ZMYM2: variants seen among roughly 807,000 people sequenced by gnomAD.
The protein encoded by ZMYM2 is zinc finger MYM-type containing 2, also known as zinc finger MYM-type protein 2.
ZMYM2 carries 56 observed loss-of-function variants against 162.8 expected under a neutral mutation model. The observed-to-expected ratio is 0.34, with a 90% CI of 0.28 to 0.43. The LOEUF is 0.43. Among genes scored for constraint, ZMYM2 ranks in the 20% least tolerant of loss-of-function variants. The pLI is 1.00. For synonymous variants in ZMYM2, 510 were observed against 541.6 expected (o/e 0.94, Z 0.81); for missense variants, 1,275 against 1,621.8 (o/e 0.79, Z 3.67).
the ZMYM2 span, among the ~76,000 whole-genome samples, chr13:19,906,868 G>A: frequency 6.6e-6 from 1 of 152,034 alleles, no homozygotes; most frequent in Non-Finnish European, 1.5e-5. Context: ...CCTAACTCTA[G>A]TTTTTATCTG....
At chr13:20,050,288 AAC>A (rs1258049317) in intron 12 of ZMYM2, among the ~76,000 whole-genome samples, 1 of 151,984 alleles carries the variant, frequency 6.6e-6, no homozygotes, top group African/African-American at 2.4e-5. Context: ...CCTGTTTGTC[AAC>A]ACAGTCATTT....
At chr13:19,987,302 C>T (rs1007270087) in intron 2 of ZMYM2, among the ~76,000 whole-genome samples, 7 of 151,664 alleles carry the variant, frequency 4.6e-5, no homozygotes, top group Admixed American at 3.3e-4. Flanking sequence ...CTCTCACCGT[C>T]GCCCAGGCTG....
chr13:19,959,496 A>G (rs1184792069), intron 1 of ZMYM2, among the ~76,000 whole-genome samples: 5 of 151,020 alleles, frequency 3.3e-5, no homozygotes, highest in Non-Finnish European at 3.0e-5. Context: ...CGCCGACTGC[A>G]GGGGGGGGCA....
At position 20,088,358 on chromosome 13, in the gene ZMYM2, C is replaced by T; in HGVS notation, c.*2344C>T. 1 of 205,142 alleles carries T rather than the reference C, an allele frequency of 4.9e-6. No homozygotes were observed. Among genetic ancestry groups the T allele is most frequent in the Non-Finnish European group, 1.0e-5 (1 of 100,106 alleles). The allele number at this position is 205,142 out of a possible 1,614,324, so 12.7% of individuals were successfully genotyped here. The stretch of plus-strand genomic sequence containing the variant: ...AAGGACAATGAAATGATAGCAATTT[C>T]CTTTTGCTTCTAGGTGATCTCTGAT... On this transcript the variant is annotated 3_prime_UTR_variant, in exon 25 of 25. Transcript: ENST00000610343.
intron 10 of ZMYM2, among the ~76,000 whole-genome samples, chr13:20,032,609 T>C (rs1301367855): frequency 3.2e-5 from 4 of 123,934 alleles, no homozygotes; most frequent in Admixed American, 1.6e-4. Flanking sequence ...CTTTTTTTTT[T>C]TTTTTTTTTT....
chr13:19,997,384 C>A (rs965675658), intron 3 of ZMYM2, among the ~76,000 whole-genome samples: 1 of 152,040 alleles, frequency 6.6e-6, no homozygotes, highest in Non-Finnish European at 1.5e-5. Context: ...ACTCCCATGC[C>A]CCTAACGATT....
chr13:20,033,242 G>A (rs540591176), intron 10 of ZMYM2, among the ~76,000 whole-genome samples: 1 of 152,018 alleles, frequency 6.6e-6, no homozygotes, highest in East Asian at 1.9e-4. Context: ...ATCAAAATGA[G>A]GTCCTTTTCA....
At chr13:19,967,937 TC>T (rs1341903026) in intron 2 of ZMYM2, among the ~76,000 whole-genome samples, 28 of 152,214 alleles carry the variant, frequency 1.8e-4, no homozygotes, top group African/African-American at 6.8e-4. Context: ...TTCACCGACT[TC>T]CCTCTTCTGG....
chr13:19,876,527 T>C, the ZMYM2 span, among the ~76,000 whole-genome samples: 1 of 151,874 alleles, frequency 6.6e-6, no homozygotes, highest in East Asian at 1.9e-4. Context: ...TTCACCATTT[T>C]GGTCAGGCTG....
At chr13:19,984,705 A>T (rs563877723) in intron 2 of ZMYM2, among the ~76,000 whole-genome samples, 1 of 152,222 alleles carries the variant, frequency 6.6e-6, no homozygotes, top group Non-Finnish European at 1.5e-5. Context: ...TGGTTGAAAC[A>T]TTATTTCTAT....
At chr13:19,882,978 T>C in the ZMYM2 span, among the ~76,000 whole-genome samples, 2 of 152,098 alleles carry the variant, frequency 1.3e-5, no homozygotes, top group East Asian at 1.9e-4. Flanking sequence ...CTATTCACAG[T>C]AGACAAAAGA....
chr13:19,931,096 G>T, the ZMYM2 span, among the ~76,000 whole-genome samples: 1 of 146,364 alleles, frequency 6.8e-6, no homozygotes. Flanking sequence ...CCGAGATGGC[G>T]CCACAGCACT....
chr13:19,944,011 G>A, the ZMYM2 span, among the ~76,000 whole-genome samples: 16 of 152,094 alleles, frequency 1.1e-4, no homozygotes, highest in Non-Finnish European at 1.0e-4. Flanking sequence ...TAAAATATGC[G>A]GGGCTGTAGA....
intron 6 of ZMYM2, among the ~76,000 whole-genome samples, chr13:20,015,799 C>T (rs1164379883): frequency 6.6e-6 from 1 of 152,058 alleles, no homozygotes; most frequent in African/African-American, 2.4e-5. Flanking sequence ...GCAACCCCAA[C>T]TCTCTTAGTT....
At chr13:19,976,790 T>G (rs1259084425) in intron 2 of ZMYM2, among the ~76,000 whole-genome samples, 3 of 152,216 alleles carry the variant, frequency 2.0e-5, no homozygotes, top group Non-Finnish European at 4.4e-5. Flanking sequence ...GTCTGAGTAG[T>G]TTATAGTGTT....
chr13:19,996,460 C>G (rs1202889244), intron 3 of ZMYM2, among the ~76,000 whole-genome samples: 1 of 151,900 alleles, frequency 6.6e-6, no homozygotes, highest in Non-Finnish European at 1.5e-5. Flanking sequence ...GTTGCGGTGG[C>G]TCAAGCCTGT....
intron 5 of ZMYM2, 22 bp downstream of exon 5, chr13:20,005,261 C>T (rs1177080957): frequency 7.5e-6 from 11 of 1,463,190 alleles, no homozygotes; most frequent in Non-Finnish European, 1.0e-5. Context: ...TTTTCTTTAT[C>T]ATTTAATTCT....
chr13:19,965,220 C>A, intron 2 of ZMYM2: 3 of 1,287,690 alleles, frequency 2.3e-6, no homozygotes, highest in Non-Finnish European at 3.0e-6. Flanking sequence ...TACTTTATAG[C>A]CATACATGTG....
At chr13:19,926,638 A>G in the ZMYM2 span, among the ~76,000 whole-genome samples, 1 of 152,276 alleles carries the variant, frequency 6.6e-6, no homozygotes, top group East Asian at 1.9e-4. Flanking sequence ...CGCTGGGATT[A>G]CAGGCGTGAG....
Sources: allele counts gnomAD v4.1 joint callset (sites outside exome capture counted in the v4.1 genomes callset), GRCh38; gene constraint gnomAD v4.1.1; transcripts MANE v1.5; gene names NCBI Gene and HGNC (gene_info 2026-07-23, HGNC 2026-07-21).